SUN2: variants seen among roughly 807,000 people sequenced by gnomAD.
The protein encoded by SUN2 is SUN domain-containing protein 2.
Under a neutral mutation model 100.0 loss-of-function variants are expected in SUN2, and 60 were observed. That is an observed-to-expected ratio of 0.60 (90% CI 0.49 to 0.74). SUN2 has a LOEUF of 0.74. Among genes scored for constraint, SUN2 ranks in the 30% least tolerant of loss-of-function variants. The pLI is 0.00. For synonymous variants in SUN2, 367 were observed against 403.3 expected, an observed-to-expected ratio of 0.91 and a Z score of 1.08; for missense variants, 834 against 954.6, an observed-to-expected ratio of 0.87 and a Z score of 1.66.
rs1399855740 is a variant in SUN2, at chr22:38,740,906, G to A, written c.1190+101C>T. On this transcript the variant is annotated intron_variant, in intron 11 of 17. Transcript: ENST00000689035. The surrounding 1 kb of genome is among the most constrained non-coding windows in gnomAD (Gnocchi z 4.8). ...CCCCCTACCATCTGCTTGGCAAGAT[G>A]ATCAGAACTCTCTGCTCTGCGGCTC... 8.5e-6 allele frequency: 11 copies of A among 1,294,692 alleles called. No individual in the cohort carries two copies. The highest frequency in any genetic ancestry group is 1.2e-5 in the Non-Finnish European group (11 of 922,442). The allele number at this position is 1,294,692 out of a possible 1,614,324, so 80.2% of individuals were successfully genotyped here.
At chr22:38,751,430 G>A (rs1236136629) in intron 2 of SUN2, 57 bp from the exon 3 acceptor site, 2 of 1,593,978 alleles carry the variant, frequency 1.3e-6, no homozygotes, top group East Asian at 2.2e-5. Flanking sequence ...CCAGCCAGGA[G>A]CATGAAGGAA....
At position 38,751,192 on chromosome 22, in the gene SUN2, G is replaced by C; in HGVS notation, c.286+18C>G. 1 of 1,606,478 alleles carries C rather than the reference G, an allele frequency of 6.2e-7. No individual in the cohort carries two copies. The highest frequency in any genetic ancestry group is 8.5e-7 in the Non-Finnish European group (1 of 1,173,922). On this transcript the variant is annotated intron_variant, in intron 3 of 17. Coordinates refer to ENST00000689035, the MANE Select transcript of SUN2 (RefSeq NM_015374.3). ...GGCCGAGGAAGCAAAGCCCCGGGAC[G>C]GAGGGCTCCACACTCACCCCAGTTG... is the stretch of plus-strand genomic sequence containing the variant.
chr22:38,739,843 C>T lies in SUN2; in HGVS notation c.1457G>A (p.Arg486Gln), dbSNP rs781710685. 3.7e-6 allele frequency: 6 copies of T among 1,613,502 alleles called. No homozygotes were observed. Among genetic ancestry groups the T allele is most frequent in the South Asian group, 2.2e-5 (2 of 91,094 alleles). ...GGTGAGGATCTTGCTCTCCAGCTCT[C>T]GCAGCTGAGCTTGCATCTCCTCTCT... ...LQREEMQAQL[R>Q]ELESKILTHV... Residue 486 changes from arginine to glutamine, a missense_variant, in exon 13 of 18, where the codon CGA becomes CAA. Transcript: ENST00000689035. The surrounding 1 kb of genome is among the most constrained non-coding windows in gnomAD (Gnocchi z 6.7).
rs1301641637 is a variant in SUN2, at chr22:38,734,996, C to G, written c.*1271G>C. On this transcript the variant is annotated 3_prime_UTR_variant, in exon 18 of 18. Transcript: ENST00000689035. ...ACCAGACACAGCCGGAACCAGTGCCCCAGGCCCCTCTCCACGGCCAGGAAC... is the reference window on the plus strand; with the variant it reads ...ACCAGACACAGCCGGAACCAGTGCCGCAGGCCCCTCTCCACGGCCAGGAAC... 2 of 303,332 alleles carry G rather than the reference C, an allele frequency of 6.6e-6. No homozygotes were observed. Among genetic ancestry groups the G allele is most frequent in the Admixed American group, 9.5e-5 (2 of 21,050 alleles). 18.8% of individuals were successfully genotyped at this position (303,332 alleles called of 1,614,324 possible).
At position 38,738,784 on chromosome 22, in the gene SUN2, G is replaced by T; in HGVS notation, c.1780-30C>A. On this transcript the variant is annotated intron_variant, in intron 15 of 17. Transcript: ENST00000689035. This position sits in a 1 kb window ranked among gnomAD's most constrained non-coding sequence, Gnocchi z 6.6. Reference sequence around the variant, plus strand: ...AGGAGCAGAAAGTCATGTCAGGACAGGGCCCTGAGTCCAGCTCTTGCTGAC... The same window carrying T: ...AGGAGCAGAAAGTCATGTCAGGACATGGCCCTGAGTCCAGCTCTTGCTGAC... The T allele has an allele frequency of 1.2e-6, 2 of 1,609,486 alleles. No individual in the cohort carries two copies. The highest frequency in any genetic ancestry group is 4.5e-5 in the East Asian group (2 of 44,780).
chr22:38,752,390 AT>A, intron 2 of SUN2, 116 bp downstream of exon 2: 1 of 1,363,944 alleles, frequency 7.3e-7, no homozygotes. Context: ...ACGTCCTTCG[AT>A]TTCCACCCAA....
chr22:38,755,323 C>T lies in SUN2; in HGVS notation c.-38+440G>A, dbSNP rs2146122205. On this transcript the variant is annotated intron_variant, in intron 1 of 17. Transcript: ENST00000689035. This position sits in a 1 kb window ranked among gnomAD's most constrained non-coding sequence, Gnocchi z 5.7. Reference sequence around the variant, plus strand: ...CCTCCTGGCTCTCTAAGTCACACCGCGCCCCCCATTGCTTTGTTTTGTTTT... The same window carrying T: ...CCTCCTGGCTCTCTAAGTCACACCGTGCCCCCCATTGCTTTGTTTTGTTTT... The T allele has an allele frequency of 4.6e-6, 5 of 1,098,414 alleles. No homozygotes were observed. The highest frequency in any genetic ancestry group is 4.4e-4 in the Middle Eastern group (1 of 2,290). The allele number at this position is 1,098,414 out of a possible 1,614,324, so 68.0% of individuals were successfully genotyped here.
At chr22:38,746,719 T>C (rs910267650) in intron 7 of SUN2, among the ~76,000 whole-genome samples, 84 of 152,188 alleles carry the variant, frequency 5.5e-4, no homozygotes, top group African/African-American at 1.9e-3. Flanking sequence ...TCTGGGTACA[T>C]TGCTATGCAA....
intron 1 of SUN2, among the ~76,000 whole-genome samples, chr22:38,753,210 C>CTTTTTTTTTTTTTT (rs869037443): frequency 1.2e-5 from 1 of 86,260 alleles, no homozygotes; most frequent in Non-Finnish European, 2.1e-5. Context: ...CACCTATGTT[C>CTTTTTTTTTTTTTT]TTTTTTTTTT....
Position 38,751,252 on chromosome 22 carries a change from G to T in SUN2, c.244C>A (p.Pro82Thr). 3 of 1,614,018 alleles carry T rather than the reference G, an allele frequency of 1.9e-6. No homozygotes were observed. The highest frequency in any genetic ancestry group is 2.5e-6 in the Non-Finnish European group (3 of 1,179,886). The change falls in exon 3 of 18, where the codon CCC (proline) becomes ACC (threonine). Residue 82 changes from proline to threonine, a missense_variant. This residue lies in a region of SUN2 where 559 missense variants were observed against 597.7 expected (regional missense o/e 0.94). Transcript: ENST00000689035. The part of the protein sequence containing the change: ...ESLVHESWFP[P>T]RSSLEELHGD... Reference sequence around the variant, plus strand: ...TGCAGTTCCTCCAGGGAGCTCCTGGGTGGGAACCAGGACTCGTGGACCAGC... The same window carrying T: ...TGCAGTTCCTCCAGGGAGCTCCTGGTTGGGAACCAGGACTCGTGGACCAGC...
Position 38,738,950 on chromosome 22 carries a change from C to G in SUN2, c.1702G>C (p.Glu568Gln). 1 of 1,613,656 alleles carries G rather than the reference C, an allele frequency of 6.2e-7. No individual in the cohort carries two copies. The highest frequency in any genetic ancestry group is 8.5e-7 in the Non-Finnish European group (1 of 1,179,836). Reference protein sequence around the residue: ...VISTRCSETYETKTALLSLFG... With the variant: ...VISTRCSETYQTKTALLSLFG... Reference sequence around the variant, plus strand: ...AGGCTGAGGAGGGCCGTCTTGGTCTCGTAGGTCTCAGAACATCGGGTGCTG... The same window carrying G: ...AGGCTGAGGAGGGCCGTCTTGGTCTGGTAGGTCTCAGAACATCGGGTGCTG... Residue 568 changes from glutamate (E) to glutamine (Q), a missense_variant, in exon 15 of 18, where the codon GAG becomes CAG. By Grantham distance (29) the Glu-to-Gln change is conservative. This residue lies in a region of SUN2 where 195 missense variants were observed against 280.2 expected (regional missense o/e 0.70). Transcript: ENST00000689035. The surrounding 1 kb of genome is among the most constrained non-coding windows in gnomAD (Gnocchi z 6.6).
intron 10 of SUN2, 110 bp from the exon 11 acceptor site, chr22:38,741,160 G>C: frequency 8.0e-7 from 1 of 1,257,106 alleles, no homozygotes; most frequent in South Asian, 1.3e-5. Context: ...CCCTGCCCAA[G>C]GTCTCTTGAC....
At chr22:38,744,598 A>G (rs1187210533) in intron 8 of SUN2, among the ~76,000 whole-genome samples, 1 of 152,238 alleles carries the variant, frequency 6.6e-6, no homozygotes, top group Non-Finnish European at 1.5e-5. Flanking sequence ...TTTTAAATGA[A>G]TAATAAAAAT....
rs746504640 is a variant in SUN2 at position 38,736,309 on chromosome 22, G to A, written c.2112C>T (p.Thr704=). Residue 704 remains threonine (T), a synonymous_variant, in exon 18 of 18, where the codon ACC becomes ACT. Coordinates refer to ENST00000689035, the MANE Select transcript of SUN2 (RefSeq NM_015374.3). The stretch of plus-strand genomic sequence containing the variant: ...CATGCACTCTGAAGCGGTAGATGCA[G>A]GTGTACTCGGGGTGGCCCCAGTTAG... The part of the protein sequence containing the change: ...ILTNWGHPEY[T]CIYRFRVHGE... The A allele has an allele frequency of 1.7e-5, 27 of 1,613,918 alleles. No homozygotes were observed. The highest frequency in any genetic ancestry group is 2.1e-5 in the Non-Finnish European group (25 of 1,179,948).
At chr22:38,750,497 A>C in intron 4 of SUN2, 177 bp from the exon 5 acceptor site, 1 of 1,359,632 alleles carries the variant, frequency 7.4e-7, no homozygotes, top group Non-Finnish European at 9.9e-7. Context: ...GTTTCTTCTG[A>C]CAGCTTCCTG....
Position 38,741,501 on chromosome 22 carries a change from G to T in SUN2, c.1139C>A (p.Ala380Asp), listed in dbSNP as rs143302352. The T allele has an allele frequency of 2.5e-5, 40 of 1,613,794 alleles. No homozygotes were observed. The African/African-American group carries it at 4.9e-4, about 20-fold the overall frequency. ...SEDLFKKIVR[A>D]SQESEARIQQ... ...TGCCGCAAGCCCGCTGACCTGGGAG[G>T]CCCGGACGATCTTCTTGAAGAGGTC... Residue 380 changes from alanine to aspartate, a missense_variant, in exon 10 of 18, where the codon GCC becomes GAC. Physicochemically the swap from Ala to Asp is moderately radical, Grantham distance 126. Coordinates refer to ENST00000689035, the MANE Select transcript of SUN2 (RefSeq NM_015374.3).
chr22:38,755,475 G>T lies in SUN2; in HGVS notation c.-38+288C>A, dbSNP rs1255360324. 1 of 988,356 alleles carries T rather than the reference G, an allele frequency of 1.0e-6. No individual in the cohort carries two copies. Among genetic ancestry groups the T allele is most frequent in the African/African-American group, 1.7e-5 (1 of 57,260 alleles). 61.2% of individuals were successfully genotyped at this position (988,356 alleles called of 1,614,324 possible). ...ACCCGTAGGCGCTGCCCGGGGCCGGGTTGGGGCAGTCGGCCTTTGCCCTCC... is the reference window on the plus strand; with the variant it reads ...ACCCGTAGGCGCTGCCCGGGGCCGGTTTGGGGCAGTCGGCCTTTGCCCTCC... On this transcript the variant is annotated intron_variant, in intron 1 of 17. Transcript: ENST00000689035. This position sits in a 1 kb window ranked among gnomAD's most constrained non-coding sequence, Gnocchi z 5.7.
rs375269211 is a variant in SUN2 at position 38,752,788 on chromosome 22, C to A, written c.-37-123G>T. The A allele has an allele frequency of 1.4e-4, 157 of 1,139,746 alleles. 1 individual carries two copies. In the African/African-American group the frequency reaches 2.2e-3, roughly 16 times the overall value. 70.6% of individuals were successfully genotyped at this position (1,139,746 alleles called of 1,614,324 possible). A position where few individuals can be genotyped will look rare whatever the true frequency, so the allele number is the denominator to read the frequency against. On this transcript the variant is annotated intron_variant, in intron 1 of 17. Transcript: ENST00000689035. ...AACAGACCACCCCCCCGGCCCCCGGCCCCCGGCGTTCAGTCTAAACAGCCC... is the reference window on the plus strand; with the variant it reads ...AACAGACCACCCCCCCGGCCCCCGGACCCCGGCGTTCAGTCTAAACAGCCC...
At position 38,752,489 on chromosome 22, in the gene SUN2, A is replaced by C. The variant is rs1277762037; in HGVS notation, c.122+18T>G. ...TTGTGGGGCTGTCAGGGGCCGTGGCACTCCCTTGGGTCCCTACCTGAGAGG... is the reference window on the plus strand; with the variant it reads ...TTGTGGGGCTGTCAGGGGCCGTGGCCCTCCCTTGGGTCCCTACCTGAGAGG... On this transcript the variant is annotated intron_variant, in intron 2 of 17. Transcript: ENST00000689035. 7.5e-6 allele frequency: 12 copies of C among 1,592,022 alleles called. No individual in the cohort carries two copies. Among genetic ancestry groups the C allele is most frequent in the Non-Finnish European group, 1.0e-5 (12 of 1,163,176 alleles).
Sources: gnomAD v4.1 joint callset for allele counts (sites outside exome capture counted in the v4.1 genomes callset) on GRCh38, gnomAD v4.1.1 for gene constraint, gnomAD v4.1.1 regional missense constraint, Gnocchi (gnomAD v3.1) non-coding constraint, MANE v1.5 for transcripts, NCBI Gene and HGNC (gene_info 2026-07-23, HGNC 2026-07-21) for gene names.